The following PTPRE variants were observed in gnomAD, a reference collection of about 807,000 sequenced individuals.
PTPRE encodes the protein receptor-type tyrosine-protein phosphatase epsilon.
PTPRE carries 51 observed loss-of-function variants against 102.0 expected under a neutral mutation model. That is an observed-to-expected ratio of 0.50 (90% CI 0.40 to 0.63). The LOEUF (loss-of-function observed/expected upper bound fraction) is 0.63. PTPRE is among the 30% of genes least tolerant of loss of function. The pLI is 0.00. For synonymous variants in PTPRE, 345 were observed against 348.2 expected (o/e 0.99, Z 0.10); for missense variants, 752 against 915.1 (o/e 0.82, Z 2.30).
At chr10:128,075,092 C>T (rs1851114988) in intron 17 of PTPRE, among the ~76,000 whole-genome samples, 1 of 152,214 alleles carries the variant, frequency 6.6e-6, no homozygotes, top group Non-Finnish European at 1.5e-5. Context: ...CTGAGACTTG[C>T]TTCTTCCACT....
rs1290773186 is a variant in PTPRE, at chr10:127,966,836, C to G, written c.-30-15438C>G. ...TTGTCATGGCCATGAAGAGCAGTCC[C>G]TCCTGCGAAGGAAGTCTCAAGGTCA... On this transcript the variant is annotated intron_variant, in intron 1 of 20. Transcript: ENST00000254667. Among the ~76,000 whole-genome samples, 3 of 152,268 alleles carry G rather than the reference C, an allele frequency of 2.0e-5. No homozygotes were observed. The East Asian group carries it at 5.8e-4, about 29-fold the overall frequency.
At chr10:128,062,892 A>C (rs976500118) in intron 9 of PTPRE, 191 bp from the exon 10 acceptor site, 1 of 928,820 alleles carries the variant, frequency 1.1e-6, no homozygotes, top group Non-Finnish European at 1.6e-6. Flanking sequence ...TCCTAGCTGG[A>C]GTGGGTGAGT....
rs371118080 is a variant in PTPRE, at chr10:128,077,730, C to T, written c.1839C>T (p.Ala613=). 201 of 1,610,588 alleles carry T rather than the reference C, an allele frequency of 1.2e-4. No individual in the cohort carries two copies. Among genetic ancestry groups the T allele is most frequent in the Non-Finnish European group, 1.6e-4 (187 of 1,177,168 alleles). ...EGKGMIDLIA[A]VQKQQQQTGN... Reference sequence around the variant, plus strand: ...AAGGCATGATTGACCTCATCGCAGCCGTGCAGAAGCAGCAGCAGCAGACAG... The same window carrying T: ...AAGGCATGATTGACCTCATCGCAGCTGTGCAGAAGCAGCAGCAGCAGACAG... Residue 613 remains alanine (A), a synonymous_variant, in exon 19 of 21, where the codon GCC becomes GCT. Transcript: ENST00000254667.
chr10:127,995,131 G>C (rs570656772), intron 2 of PTPRE, among the ~76,000 whole-genome samples: 2 of 152,194 alleles, frequency 1.3e-5, no homozygotes, highest in African/African-American at 4.8e-5. Flanking sequence ...TCAGCAGCTG[G>C]CAAGAGAGGC....
chr10:127,907,891 C>T lies in PTPRE; in HGVS notation c.-31+582C>T, dbSNP rs1218926459. Among the ~76,000 whole-genome samples the T allele has an allele frequency of 6.6e-6, 1 of 152,178 alleles. No homozygotes were observed. Among genetic ancestry groups the T allele is most frequent in the Non-Finnish European group, 1.5e-5 (1 of 68,022 alleles). ...GGGGGTCGGAGATGCGGCAGGGAGA[C>T]CCTGGCAGGTGGTCCAGGCTGGACT... On this transcript the variant is annotated intron_variant, in intron 1 of 20. Transcript: ENST00000254667. This position sits in a 1 kb window ranked among gnomAD's most constrained non-coding sequence, Gnocchi z 4.8.
At position 128,063,091 on chromosome 10, in the gene PTPRE, C is replaced by T; in HGVS notation, c.634C>T (p.Gln212Ter). Residue 212 changes from glutamine (Q) to a stop codon, truncating the protein, a stop_gained, in exon 10 of 21, where the codon CAG becomes TAG. Transcript: ENST00000254667. LOFTEE classifies it high-confidence loss of function. ...NKFIAAQGPKQETVNDFWRMV... is the reference protein window; with the variant it reads ...NKFIAAQGPK ...TTGTCCTCTACACACAGGTCCCAAA[C>T]AGGAAACGGTTAACGACTTCTGGAG... 6 of 1,614,212 alleles carry T rather than the reference C, an allele frequency of 3.7e-6. No individual in the cohort carries two copies. The highest frequency in any genetic ancestry group is 4.2e-6 in the Non-Finnish European group (5 of 1,180,032).
intron 1 of PTPRE, among the ~76,000 whole-genome samples, chr10:127,930,063 A>G (rs1050382927): frequency 8.9e-6 from 1 of 112,808 alleles, no homozygotes; most frequent in African/African-American, 3.6e-5. Context: ...TTCCATCTCA[A>G]AAAAAAAAAA....
At chr10:128,061,819 G>A in intron 9 of PTPRE, 104 bp downstream of exon 9, 2 of 1,394,912 alleles carry the variant, frequency 1.4e-6, no homozygotes, top group East Asian at 2.5e-5. Flanking sequence ...GGATTTGTGT[G>A]TGTGTGTTTA....
intron 3 of PTPRE, among the ~76,000 whole-genome samples, chr10:128,046,700 A>G (rs1848120582): frequency 6.6e-6 from 1 of 152,234 alleles, no homozygotes; most frequent in African/African-American, 2.4e-5. Context: ...CAGCGAGGCC[A>G]CCAGTGTCCC....
intron 16 of PTPRE, among the ~76,000 whole-genome samples, chr10:128,072,948 G>C (rs1590232088): frequency 1.3e-5 from 2 of 152,202 alleles, no homozygotes; most frequent in South Asian, 2.1e-4. Flanking sequence ...TGGCAGCCAA[G>C]TGTGTGTTCA....
At chr10:127,956,540 A>G (rs932507189) in intron 1 of PTPRE, among the ~76,000 whole-genome samples, 11 of 152,258 alleles carry the variant, frequency 7.2e-5, no homozygotes, top group Non-Finnish European at 1.3e-4. Flanking sequence ...ATACATACAT[A>G]TGTGGGTTTT....
chr10:128,072,078 A>T, intron 15 of PTPRE, 60 bp from the exon 16 acceptor site: 9 of 1,456,090 alleles, frequency 6.2e-6, no homozygotes, highest in Non-Finnish European at 8.6e-6. Context: ...GTAGCAATGG[A>T]TTAAAGTTAG....
At position 128,066,114 on chromosome 10, in the gene PTPRE, A is replaced by C; in HGVS notation, c.763A>C (p.Thr255Pro). ...HQYWPDQGCW[T>P]YGNIRVCVED... ...GTACTGGCCCGACCAAGGCTGCTGG[A>C]CCTATGGAAACATCCGGGTGTGCGT... is the stretch of plus-strand genomic sequence containing the variant. Residue 255 changes from threonine to proline, a missense_variant, in exon 11 of 21, where the codon ACC becomes CCC. By Grantham distance (38) the Thr-to-Pro change is conservative (BLOSUM62 -1). Coordinates refer to ENST00000254667, the MANE Select transcript of PTPRE (RefSeq NM_006504.6). The C allele has an allele frequency of 6.2e-7, 1 of 1,614,198 alleles. No individual in the cohort carries two copies. Among genetic ancestry groups the C allele is most frequent in the Non-Finnish European group, 8.5e-7 (1 of 1,180,042 alleles).
At position 128,040,654 on chromosome 10, in the gene PTPRE, C is replaced by G. The variant is rs1847607488; in HGVS notation, c.-7-221C>G. ...CATCAACCAAGCAGGTCCTTTGAGT[C>G]CTGGTTCCCTCCTTTGAGTGAATGT... On this transcript the variant is annotated intron_variant, in intron 2 of 20. Transcript: ENST00000254667. Among the ~76,000 whole-genome samples the G allele has an allele frequency of 2.0e-5, 3 of 152,154 alleles. No homozygotes were observed. In the South Asian group the frequency reaches 6.2e-4, roughly 32 times the overall value.
chr10:128,057,382 GC>G (rs1217647478), intron 7 of PTPRE, among the ~76,000 whole-genome samples: 12 of 152,116 alleles, frequency 7.9e-5, no homozygotes. Context: ...TGCAGCCTCC[GC>G]CTGGTCCACA....
At chr10:127,913,920 C>T (rs117039173) in intron 1 of PTPRE, among the ~76,000 whole-genome samples, 5,886 of 152,216 alleles carry the variant, frequency 0.039, 136 homozygotes, top group Middle Eastern at 0.085. Flanking sequence ...GCTTTTTATT[C>T]TGTTGTTGGA....
chr10:128,012,700 C>T (rs568953180), intron 2 of PTPRE, among the ~76,000 whole-genome samples: 52 of 152,290 alleles, frequency 3.4e-4, no homozygotes, highest in African/African-American at 1.2e-3. Flanking sequence ...ATATTCAGCA[C>T]CTAGGACACC....
chr10:127,933,238 A>G (rs1244737523), intron 1 of PTPRE, among the ~76,000 whole-genome samples: 1 of 152,168 alleles, frequency 6.6e-6, no homozygotes, highest in Non-Finnish European at 1.5e-5. Flanking sequence ...ACATTTTTGG[A>G]TTCTGCCTAC....
intron 1 of PTPRE, among the ~76,000 whole-genome samples, chr10:127,948,034 C>T (rs1205134754): frequency 6.6e-6 from 1 of 152,100 alleles, no homozygotes; most frequent in African/African-American, 2.4e-5. Context: ...CCATGCCATG[C>T]CCAAGGGTTT....
Sources: gnomAD v4.1 joint callset for allele counts (sites outside exome capture counted in the v4.1 genomes callset) on GRCh38, gnomAD v4.1.1 for gene constraint, Gnocchi (gnomAD v3.1) non-coding constraint, MANE v1.5 for transcripts, NCBI Gene and HGNC (gene_info 2026-07-23, HGNC 2026-07-21) for gene names.